The following NUDT19 variants were observed in gnomAD, a reference collection of about 807,000 sequenced individuals.
NUDT19 encodes acyl-coenzyme A diphosphatase NUDT19.
NUDT19 carries 31 observed loss-of-function variants against 22.2 expected under a neutral mutation model. The ratio of observed to expected loss-of-function variants is 1.40; its 90% confidence interval spans 1.05 to 1.89. The LOEUF is 1.89. Among genes scored for constraint, NUDT19 ranks in the 40% most tolerant of loss-of-function variants. The probability of loss-of-function intolerance (pLI) is 0.00; values close to 1 mark genes in which losing one functional copy is unlikely to be tolerated. For synonymous variants in NUDT19, 325 were observed against 230.8 expected, an observed-to-expected ratio of 1.41 and a Z score of -3.70; for missense variants, 752 against 514.2, an observed-to-expected ratio of 1.46 and a Z score of -4.47.
rs1308941112 is a variant in NUDT19, at chr19:32,712,491, C to T, written c.*534C>T. ...CACTGCAACCTCCACCTCCCAGGTT[C>T]CAGCGATTCTCATGCCTCAGCCTCC... On this transcript the variant is annotated 3_prime_UTR_variant, in exon 3 of 3. Coordinates refer to ENST00000397061, the MANE Select transcript of NUDT19 (RefSeq NM_001105570.2). 1.4e-5 allele frequency: 2 copies of T among 146,958 alleles called. No homozygotes were observed. Among genetic ancestry groups the T allele is most frequent in the Non-Finnish European group, 2.9e-5 (2 of 67,876 alleles). The allele number at this position is 146,958 out of a possible 1,614,324, so 9.1% of individuals were successfully genotyped here.
intron 1 of NUDT19, among the ~76,000 whole-genome samples, chr19:32,702,426 C>G (rs1302713703): frequency 1.3e-5 from 2 of 152,134 alleles, no homozygotes; most frequent in African/African-American, 2.4e-5. Flanking sequence ...CGAAGTTATG[C>G]AACTCTCAGG....
At chr19:32,695,845 T>C (rs1299634935) in intron 1 of NUDT19, among the ~76,000 whole-genome samples, 1 of 152,214 alleles carries the variant, frequency 6.6e-6, no homozygotes, top group East Asian at 1.9e-4. Flanking sequence ...GTATACACGT[T>C]TTTTCTTTTT....
At chr19:32,695,907 G>A (rs150107079) in intron 1 of NUDT19, among the ~76,000 whole-genome samples, 1 of 152,316 alleles carries the variant, frequency 6.6e-6, no homozygotes, top group East Asian at 1.9e-4. Context: ...TGCTAACTGG[G>A]TGCTGGTCCC....
rs537988362 is a variant in NUDT19 at position 32,696,507 on chromosome 19, C to T, written c.714+3833C>T. Among the ~76,000 whole-genome samples, 10 of 152,276 alleles carry T rather than the reference C, an allele frequency of 6.6e-5. No homozygotes were observed. In the East Asian group the frequency reaches 1.7e-3, roughly 26 times the overall value. ...TTTCGTCCTGTGGGAAGGCTTAAGG[C>T]TAGAGCTTGAGTTTGTTCCTTCCAA... On this transcript the variant is annotated intron_variant, in intron 1 of 2. Transcript: ENST00000397061.
At chr19:32,704,301 G>A (rs932884407) in intron 1 of NUDT19, among the ~76,000 whole-genome samples, 15 of 147,588 alleles carry the variant, frequency 1.0e-4, no homozygotes, top group East Asian at 6.1e-4. Flanking sequence ...TTGCTCTGCC[G>A]CCCAGGCTGG....
intron 1 of NUDT19, among the ~76,000 whole-genome samples, chr19:32,699,561 G>A (rs113526352): frequency 0.095 from 14,418 of 152,272 alleles, 891 homozygotes; most frequent in Middle Eastern, 0.14. Flanking sequence ...CCTGACACCC[G>A]TGTCTTTAGT....
Position 32,692,029 on chromosome 19 carries a change from C to T in NUDT19, c.69C>T (p.Gly23=), listed in dbSNP as rs1469424368. Residue 23 remains glycine, a synonymous_variant, in exon 1 of 3, where the codon GGC becomes GGT. Transcript: ENST00000397061. ...RRAASIVLAA[G]WSRPETATPP... is the part of the protein sequence containing the mutation. ...CGGCCAGCATCGTCCTGGCGGCTGG[C>T]TGGTCGCGCCCGGAGACCGCCACCC... 1.2e-5 allele frequency: 15 copies of T among 1,263,760 alleles called. No homozygotes were observed. The highest frequency in any genetic ancestry group is 3.1e-5 in the South Asian group (1 of 32,376). The allele number at this position is 1,263,760 out of a possible 1,614,324, so 78.3% of individuals were successfully genotyped here.
At chr19:32,708,029 A>T (rs1290308431) in intron 1 of NUDT19, among the ~76,000 whole-genome samples, 1 of 151,302 alleles carries the variant, frequency 6.6e-6, no homozygotes, top group East Asian at 2.0e-4. Flanking sequence ...GGGTGCCTGT[A>T]GTTCCAGCTA....
In NUDT19 at chr19:32,712,976, T is replaced by A. The variant is rs1968464814; in HGVS notation, c.*1019T>A. The A allele has an allele frequency of 6.6e-6, 1 of 152,202 alleles. No individual in the cohort carries two copies. The highest frequency in any genetic ancestry group is 2.4e-5 in the African/African-American group (1 of 41,460). 9.4% of individuals were successfully genotyped at this position (152,202 alleles called of 1,614,324 possible). A position where few individuals can be genotyped will look rare whatever the true frequency, so the allele number is the denominator to read the frequency against. Reference sequence around the variant, plus strand: ...TCTGAGACTTTCTGCTGGAATTACTTTAAGGGTGTCTTATTAGATGATGAA... The same window carrying A: ...TCTGAGACTTTCTGCTGGAATTACTATAAGGGTGTCTTATTAGATGATGAA... On this transcript the variant is annotated 3_prime_UTR_variant, in exon 3 of 3. Transcript: ENST00000397061.
In NUDT19 at chr19:32,711,998, T is replaced by A; in HGVS notation, c.*41T>A. The stretch of plus-strand genomic sequence containing the variant: ...TTGTAAAATGGCCTACTTGAAGTCC[T>A]CATGAATAATGAGGGTTGACTTTCA... On this transcript the variant is annotated 3_prime_UTR_variant, in exon 3 of 3. Transcript: ENST00000397061. 1 of 1,259,644 alleles carries A rather than the reference T, an allele frequency of 7.9e-7. No homozygotes were observed. Among genetic ancestry groups the A allele is most frequent in the Non-Finnish European group, 1.2e-6 (1 of 860,262 alleles). The allele number at this position is 1,259,644 out of a possible 1,614,324, so 78.0% of individuals were successfully genotyped here. A position where few individuals can be genotyped will look rare whatever the true frequency, so the allele number is the denominator to read the frequency against.
chr19:32,693,151 C>T (rs1432450105), intron 1 of NUDT19, among the ~76,000 whole-genome samples: 1 of 152,212 alleles, frequency 6.6e-6, no homozygotes. Flanking sequence ...GTCTCGCTGA[C>T]TTTAAGAATA....
rs1388720923 is a variant in NUDT19 at position 32,712,928 on chromosome 19, C to G, written c.*971C>G. On this transcript the variant is annotated 3_prime_UTR_variant, in exon 3 of 3. Transcript: ENST00000397061. Reference sequence around the variant, plus strand: ...CTGTATTAGCACCTTCCCTGATGTGCTTTGGAGGTTGATCAATGAATTTCT... The same window carrying G: ...CTGTATTAGCACCTTCCCTGATGTGGTTTGGAGGTTGATCAATGAATTTCT... 1 of 152,132 alleles carries G rather than the reference C, an allele frequency of 6.6e-6. No individual in the cohort carries two copies. 9.4% of individuals were successfully genotyped at this position (152,132 alleles called of 1,614,324 possible).
intron 1 of NUDT19, among the ~76,000 whole-genome samples, chr19:32,699,555 A>G (rs145099099): frequency 0.011 from 1,662 of 152,290 alleles, 37 homozygotes; most frequent in African/African-American, 0.038. Flanking sequence ...AGAAAGCCTG[A>G]CACCCGTGTC....
Position 32,704,303 on chromosome 19 carries a change from C to T in NUDT19, c.715-4882C>T, listed in dbSNP as rs1048663423. Among the ~76,000 whole-genome samples the T allele has an allele frequency of 2.5e-4, 38 of 151,858 alleles. 1 individual carries two copies. In the East Asian group the frequency reaches 3.1e-3, roughly 12 times the overall value. On this transcript the variant is annotated intron_variant, in intron 1 of 2. Coordinates refer to ENST00000397061, the MANE Select transcript of NUDT19 (RefSeq NM_001105570.2). ...TTTAGACAGAGTCTTGCTCTGCCGCCCAGGCTGGAGTGCAATGGCACGATC... is the reference window on the plus strand; with the variant it reads ...TTTAGACAGAGTCTTGCTCTGCCGCTCAGGCTGGAGTGCAATGGCACGATC...
chr19:32,703,189 C>T (rs943068544), intron 1 of NUDT19, among the ~76,000 whole-genome samples: 13 of 151,666 alleles, frequency 8.6e-5, no homozygotes, highest in Non-Finnish European at 1.5e-4. Context: ...TTAGGAGAAA[C>T]GGGTTTTCTC....
intron 1 of NUDT19, among the ~76,000 whole-genome samples, chr19:32,701,930 T>C (rs1968340134): frequency 6.6e-6 from 1 of 152,210 alleles, no homozygotes; most frequent in Non-Finnish European, 1.5e-5. Flanking sequence ...GGAGGGCTGA[T>C]CACCTGAGTT....
intron 1 of NUDT19, among the ~76,000 whole-genome samples, chr19:32,693,484 C>G (rs943401134): frequency 3.3e-5 from 5 of 152,178 alleles, no homozygotes; most frequent in African/African-American, 4.8e-5. Context: ...TTGCAAAGAG[C>G]AAAAGAACAA....
chr19:32,692,400 C>A lies in NUDT19; in HGVS notation c.440C>A (p.Pro147Gln). The change falls in exon 1 of 3, where the codon CCA becomes CAA. Residue 147 changes from proline (P) to glutamine (Q), a missense_variant. Transcript: ENST00000397061. ...GVLLLRPRTS[P>Q]PGPAPGPGLA... is the part of the protein sequence containing the mutation. ...CTGCTGCTGCGGCCCAGGACTTCCCCACCAGGCCCAGCACCCGGGCCTGGC... is the reference window on the plus strand; with the variant it reads ...CTGCTGCTGCGGCCCAGGACTTCCCAACCAGGCCCAGCACCCGGGCCTGGC... 6.3e-7 allele frequency: 1 copy of A among 1,575,078 alleles called. No individual in the cohort carries two copies.
chr19:32,711,658 A>C, intron 2 of NUDT19, 94 bp from the exon 3 acceptor site: 1 of 715,946 alleles, frequency 1.4e-6, no homozygotes, highest in Non-Finnish European at 2.4e-6. Context: ...TGATTTATAA[A>C]ATAATACTCG....
Sources: gnomAD v4.1 joint callset for allele counts (sites outside exome capture counted in the v4.1 genomes callset) on GRCh38, gnomAD v4.1.1 for gene constraint, MANE v1.5 for transcripts, NCBI Gene and HGNC (gene_info 2026-07-23, HGNC 2026-07-21) for gene names.